Variants in FBXL7 observed in about 807,000 individuals in gnomAD.
The protein encoded by FBXL7 is F-box and leucine rich repeat protein 7, also known as F-box/LRR-repeat protein 7.
A neutral mutation model predicts 38.3 loss-of-function variants in FBXL7; 12 were observed. The ratio of observed to expected loss-of-function variants is 0.31; its 90% CI spans 0.20 to 0.51. FBXL7 has a LOEUF of 0.51. Among genes scored for constraint, FBXL7 ranks in the 20% least tolerant of loss-of-function variants. FBXL7 has a pLI of 0.98. For synonymous variants in FBXL7, 297 were observed against 300.9 expected (o/e 0.99, Z 0.13); for missense variants, 567 against 676.4 (o/e 0.84, Z 1.79).
intron 1 of FBXL7, among the ~76,000 whole-genome samples, chr5:15,597,572 A>G: frequency 6.6e-6 from 1 of 152,114 alleles, no homozygotes; most frequent in East Asian, 1.9e-4. Flanking sequence ...CCTACAAATT[A>G]CGTTCCAACA....
chr5:15,595,039 C>T (rs949930696), intron 1 of FBXL7, among the ~76,000 whole-genome samples: 2 of 152,296 alleles, frequency 1.3e-5, no homozygotes, highest in South Asian at 4.1e-4. Flanking sequence ...CCATCAGCAG[C>T]AGTAAACTTC....
At chr5:15,501,719 A>G (rs1327814599) in intron 1 of FBXL7, 19 of 985,374 alleles carry the variant, frequency 1.9e-5, no homozygotes, top group Non-Finnish European at 2.2e-5. Flanking sequence ...CTGTGGCCAC[A>G]GAATGTGGGT....
chr5:15,644,573 A>G (rs555810607), intron 2 of FBXL7, among the ~76,000 whole-genome samples: 3 of 152,146 alleles, frequency 2.0e-5, no homozygotes, highest in Middle Eastern at 3.4e-3. Context: ...CTTATTCATC[A>G]CTTTTGCCCA....
intron 2 of FBXL7, among the ~76,000 whole-genome samples, chr5:15,690,418 A>G (rs1743147654): frequency 6.6e-6 from 1 of 152,186 alleles, no homozygotes; most frequent in African/African-American, 2.4e-5. Flanking sequence ...TAGTTGACAC[A>G]TAGTAATTTT....
chr5:15,728,449 C>T (rs779917957), intron 2 of FBXL7, among the ~76,000 whole-genome samples: 11 of 152,076 alleles, frequency 7.2e-5, no homozygotes, highest in East Asian at 1.9e-4. Flanking sequence ...CCCTAACTTC[C>T]GAATTCTTTG....
chr5:15,841,399 A>G (rs1213423545), intron 2 of FBXL7, among the ~76,000 whole-genome samples: 1 of 152,174 alleles, frequency 6.6e-6, no homozygotes, highest in Non-Finnish European at 1.5e-5. Context: ...AGTGTTTTAT[A>G]ATAGAATAAT....
At chr5:15,590,504 C>T (rs1470525463) in intron 1 of FBXL7, among the ~76,000 whole-genome samples, 2 of 151,996 alleles carry the variant, frequency 1.3e-5, no homozygotes, top group Non-Finnish European at 1.5e-5. Flanking sequence ...TCACCTCTAC[C>T]TCCCACCTCC....
chr5:15,830,255 G>A (rs894919508), intron 2 of FBXL7, among the ~76,000 whole-genome samples: 4 of 151,926 alleles, frequency 2.6e-5, no homozygotes, highest in African/African-American at 7.3e-5. Context: ...AGGCCAAGGC[G>A]GGCAGATCAC....
Position 15,851,107 on chromosome 5 carries a change from G to A in FBXL7, c.128-76783G>A, listed in dbSNP as rs181530642. 1.2e-4 allele frequency among the ~76,000 whole-genome samples: 18 copies of A among 152,264 alleles called. No individual in the cohort carries two copies. The East Asian group carries it at 3.5e-3, about 29-fold the overall frequency. On this transcript the variant is annotated intron_variant, in intron 2 of 3. Coordinates refer to ENST00000504595, the MANE Select transcript of FBXL7 (RefSeq NM_012304.5). ...CATTGCTTGTGGAGCTATTATACAT[G>A]TAATCAGCAAGGATACACACACCCG...
intron 2 of FBXL7, among the ~76,000 whole-genome samples, chr5:15,658,907 T>G (rs920846582): frequency 6.6e-6 from 1 of 152,132 alleles, no homozygotes; most frequent in Admixed American, 6.5e-5. Context: ...CTTTACTTCT[T>G]TTTTTGGAGG....
chr5:15,607,877 T>TC (rs1221873671), intron 1 of FBXL7, among the ~76,000 whole-genome samples: 1 of 152,256 alleles, frequency 6.6e-6, no homozygotes, highest in Non-Finnish European at 1.5e-5. Context: ...TGTTTTTTCA[T>TC]TTGTCTTCCT....
In FBXL7 at chr5:15,547,961, T is replaced by C. The variant is rs186659413; in HGVS notation, c.37+47248T>C. Among the ~76,000 whole-genome samples, 12 of 152,300 alleles carry C rather than the reference T, an allele frequency of 7.9e-5. No homozygotes were observed. The East Asian group carries it at 1.9e-3, about 25-fold the overall frequency. On this transcript the variant is annotated intron_variant, in intron 1 of 3. Transcript: ENST00000504595. ...TTTCCTGACCTGGGCTGTCTAGCACTGCAGAAAGATGAGAGTGGGGATGAT... is the reference window on the plus strand; with the variant it reads ...TTTCCTGACCTGGGCTGTCTAGCACCGCAGAAAGATGAGAGTGGGGATGAT...
intron 1 of FBXL7, among the ~76,000 whole-genome samples, chr5:15,505,326 C>A (rs1379050532): frequency 6.6e-6 from 1 of 152,130 alleles, no homozygotes; most frequent in Non-Finnish European, 1.5e-5. Context: ...TGATCATTTT[C>A]CCAAGGTCAT....
chr5:15,588,013 T>C (rs953275202), intron 1 of FBXL7, among the ~76,000 whole-genome samples: 29 of 152,194 alleles, frequency 1.9e-4, no homozygotes, highest in African/African-American at 7.0e-4. Context: ...AACCTCACTG[T>C]TATGCCAGGT....
intron 1 of FBXL7, among the ~76,000 whole-genome samples, chr5:15,528,441 A>G (rs1258313729): frequency 6.6e-6 from 1 of 152,182 alleles, no homozygotes; most frequent in Non-Finnish European, 1.5e-5. Flanking sequence ...TGGGTAACTT[A>G]TAAAGAAAAA....
intron 2 of FBXL7, among the ~76,000 whole-genome samples, chr5:15,674,741 G>T (rs57410835): frequency 2.0e-5 from 3 of 152,254 alleles, no homozygotes; most frequent in South Asian, 2.1e-4. Flanking sequence ...TCACAAAAAC[G>T]CAACTGATAA....
intron 2 of FBXL7, among the ~76,000 whole-genome samples, chr5:15,842,097 C>T (rs972393381): frequency 6.6e-5 from 10 of 152,142 alleles, no homozygotes; most frequent in Admixed American, 1.3e-4. Flanking sequence ...CAGCTTGCAC[C>T]GTGTGCCTGG....
chr5:15,702,945 CA>C (rs1220353930), intron 2 of FBXL7, among the ~76,000 whole-genome samples: 3 of 152,014 alleles, frequency 2.0e-5, no homozygotes, highest in Non-Finnish European at 4.4e-5. Flanking sequence ...GTGGGGGTCA[CA>C]AGGTGCTCAG....
chr5:15,571,107 A>G lies in FBXL7; in HGVS notation c.38-44876A>G, dbSNP rs187481529. On this transcript the variant is annotated intron_variant, in intron 1 of 3. Coordinates refer to ENST00000504595, the MANE Select transcript of FBXL7 (RefSeq NM_012304.5). ...ATTCTGTCTTTAAAAAAAAAAAAAA[A>G]AAAGAAAAAAGAAACTTTAAAATGT... Among the ~76,000 whole-genome samples the G allele has an allele frequency of 3.9e-4, 58 of 148,322 alleles. 1 individual carries two copies. In the East Asian group the frequency reaches 6.8e-3, roughly 17 times the overall value.
Sources: gnomAD v4.1 joint callset for allele counts (sites outside exome capture counted in the v4.1 genomes callset) on GRCh38, gnomAD v4.1.1 for gene constraint, MANE v1.5 for transcripts, NCBI Gene and HGNC (gene_info 2026-07-23, HGNC 2026-07-21) for gene names.